Variants in HS3ST3B1 observed in about 807,000 individuals in gnomAD.
The protein encoded by HS3ST3B1 is heparan sulfate glucosamine 3-O-sulfotransferase 3B1.
HS3ST3B1 carries 13 observed loss-of-function variants against 21.3 expected under a neutral mutation model. The observed-to-expected ratio is 0.61, with a 90% CI of 0.40 to 0.97. The LOEUF (loss-of-function observed/expected upper bound fraction) is 0.97. HS3ST3B1 is among the 50% of genes least tolerant of loss of function. The pLI is 0.00. For synonymous variants in HS3ST3B1, 234 were observed against 254.8 expected, an observed-to-expected ratio of 0.92 and a Z score of 0.78; for missense variants, 459 against 554.8, an observed-to-expected ratio of 0.83 and a Z score of 1.73.
chr17:14,332,710 C>A (rs573762374), intron 1 of HS3ST3B1, among the ~76,000 whole-genome samples: 1 of 151,864 alleles, frequency 6.6e-6, no homozygotes, highest in East Asian at 1.9e-4. Flanking sequence ...AGCTAAGGAT[C>A]CAGCTCCAAG....
At chr17:14,340,484 A>G (rs1294673932) in intron 1 of HS3ST3B1, among the ~76,000 whole-genome samples, 1 of 152,040 alleles carries the variant, frequency 6.6e-6, no homozygotes, top group Non-Finnish European at 1.5e-5. Flanking sequence ...CTGTCTCCCC[A>G]TCACTGCAAG....
At chr17:14,320,824 G>A (rs1034655650) in intron 1 of HS3ST3B1, among the ~76,000 whole-genome samples, 1 of 152,140 alleles carries the variant, frequency 6.6e-6, no homozygotes, top group African/African-American at 2.4e-5. Context: ...AGCCCCATTG[G>A]CCGCTCAGTT....
At position 14,345,568 on chromosome 17, in the gene HS3ST3B1, G is replaced by A; in HGVS notation, c.1095G>A (p.Val365=). 2 of 1,565,598 alleles carry A rather than the reference G, an allele frequency of 1.3e-6. No homozygotes were observed. The highest frequency in any genetic ancestry group is 1.7e-6 in the Non-Finnish European group (2 of 1,160,558). The change falls in exon 2 of 2, where the codon GTG becomes GTA. Residue 365 remains valine (V), a synonymous_variant. Coordinates refer to ENST00000360954, the MANE Select transcript of HS3ST3B1 (RefSeq NM_006041.3). ...RTHPEIDREV[V]RRLREFYRPF... is the part of the protein sequence containing the mutation. ...ATCCTGAGATCGACCGCGAGGTGGT[G>A]CGCAGGCTGCGCGAGTTCTACCGGC...
At chr17:14,323,285 C>T (rs996212726) in intron 1 of HS3ST3B1, among the ~76,000 whole-genome samples, 1 of 152,172 alleles carries the variant, frequency 6.6e-6, no homozygotes, top group African/African-American at 2.4e-5. Flanking sequence ...CATAAAAGCT[C>T]CAGAGCTCTG....
At chr17:14,313,859 C>T (rs936240217) in intron 1 of HS3ST3B1, among the ~76,000 whole-genome samples, 6 of 152,148 alleles carry the variant, frequency 3.9e-5, no homozygotes, top group African/African-American at 9.7e-5. Flanking sequence ...CGTGAGCCAC[C>T]GCACCTGGCC....
rs1234511629 is a variant in HS3ST3B1 at position 14,348,076 on chromosome 17, CT to C, written c.*2431del. 1 of 152,198 alleles carries C rather than the reference CT, an allele frequency of 6.6e-6. No individual in the cohort carries two copies. The highest frequency in any genetic ancestry group is 2.1e-4 in the South Asian group (1 of 4,832). 9.4% of individuals were successfully genotyped at this position (152,198 alleles called of 1,614,324 possible). A position where few individuals can be genotyped will look rare whatever the true frequency, so the allele number is the denominator to read the frequency against. On this transcript the variant is annotated 3_prime_UTR_variant, in exon 2 of 2. Transcript: ENST00000360954. ...TTGCCCTGTCTACTTTCTGATCATTCTGATGGTCTGATGTGGCTGTTGATGT... is the reference window on the plus strand; with the variant it reads ...TTGCCCTGTCTACTTTCTGATCATTCGATGGTCTGATGTGGCTGTTGATGT...
At chr17:14,337,920 C>A (rs1910237798) in intron 1 of HS3ST3B1, among the ~76,000 whole-genome samples, 1 of 151,712 alleles carries the variant, frequency 6.6e-6, no homozygotes, top group Non-Finnish European at 1.5e-5. Flanking sequence ...TAGATTATGA[C>A]AAGTTCCAGG....
chr17:14,325,422 G>A (rs1339101322), intron 1 of HS3ST3B1, among the ~76,000 whole-genome samples: 1 of 152,178 alleles, frequency 6.6e-6, no homozygotes, highest in African/African-American at 2.4e-5. Context: ...ACAAATAGAT[G>A]AGAAACTGAC....
intron 1 of HS3ST3B1, among the ~76,000 whole-genome samples, chr17:14,313,695 C>A (rs937087446): frequency 7.2e-5 from 11 of 151,964 alleles, no homozygotes; most frequent in African/African-American, 2.7e-4. Flanking sequence ...CTCAGCCTCC[C>A]AAGTAGCTGT....
At chr17:14,333,481 C>A (rs1393375232) in intron 1 of HS3ST3B1, among the ~76,000 whole-genome samples, 7 of 148,536 alleles carry the variant, frequency 4.7e-5, no homozygotes, top group Admixed American at 3.4e-4. Context: ...AAAAAAACAA[C>A]AAAAAAAAAC....
At chr17:14,326,335 C>T (rs1909816862) in intron 1 of HS3ST3B1, among the ~76,000 whole-genome samples, 1 of 152,080 alleles carries the variant, frequency 6.6e-6, no homozygotes, top group African/African-American at 2.4e-5. Flanking sequence ...GTTTGCAGGT[C>T]ATTCTCAACA....
chr17:14,345,472 C>T lies in HS3ST3B1; in HGVS notation c.999C>T (p.Gly333=). 16 of 1,518,058 alleles carry T rather than the reference C, an allele frequency of 1.1e-5. No homozygotes were observed. The highest frequency in any genetic ancestry group is 1.5e-5 in the Non-Finnish European group (16 of 1,099,730). 94.0% of individuals were successfully genotyped at this position (1,518,058 alleles called of 1,614,324 possible). The stretch of plus-strand genomic sequence containing the variant: ...ACTTCTACTTCAACAAGACCAAGGG[C>T]TTCCCCTGCCTGAAGAAGGCGGAGG... The part of the protein sequence containing the change: ...DKHFYFNKTK[G]FPCLKKAEGS... Residue 333 remains glycine, a synonymous_variant, in exon 2 of 2, where the codon GGC becomes GGT. Transcript: ENST00000360954.
chr17:14,326,620 A>T (rs1464772762), intron 1 of HS3ST3B1, among the ~76,000 whole-genome samples: 1 of 151,880 alleles, frequency 6.6e-6, no homozygotes, highest in African/African-American at 2.4e-5. Flanking sequence ...CTTCACTTCC[A>T]CCTACTCTTG....
chr17:14,341,963 T>C (rs1454684073), intron 1 of HS3ST3B1, among the ~76,000 whole-genome samples: 1 of 152,202 alleles, frequency 6.6e-6, no homozygotes, highest in Admixed American at 6.5e-5. Flanking sequence ...ATGGACAAAG[T>C]GGGTCAATCC....
At chr17:14,328,183 A>C (rs1364118161) in intron 1 of HS3ST3B1, 2 of 152,224 alleles carry the variant, frequency 1.3e-5, no homozygotes, top group African/African-American at 4.8e-5. Context: ...AGAATGTAAC[A>C]AATAATCATG....
chr17:14,335,374 A>G (rs945372643), intron 1 of HS3ST3B1, among the ~76,000 whole-genome samples: 5 of 152,224 alleles, frequency 3.3e-5, no homozygotes, highest in Non-Finnish European at 5.9e-5. Context: ...CTTTAAAGAA[A>G]AAAAAGCAAC....
At chr17:14,309,770 T>G (rs1343798353) in intron 1 of HS3ST3B1, among the ~76,000 whole-genome samples, 1 of 152,226 alleles carries the variant, frequency 6.6e-6, no homozygotes, top group Non-Finnish European at 1.5e-5. Context: ...TCTCCGAATG[T>G]TCGGCTCCCG....
At chr17:14,302,692 C>G (rs994915043) in intron 1 of HS3ST3B1, among the ~76,000 whole-genome samples, 2 of 152,004 alleles carry the variant, frequency 1.3e-5, no homozygotes, top group Non-Finnish European at 2.9e-5. Context: ...GGCGCCTCCG[C>G]CTGGCGGGCG....
chr17:14,339,956 G>A (rs1234122776), intron 1 of HS3ST3B1, among the ~76,000 whole-genome samples: 1 of 152,166 alleles, frequency 6.6e-6, no homozygotes, highest in Non-Finnish European at 1.5e-5. Context: ...GGAAGAGGAA[G>A]GTGTGCCCAG....
Sources: gnomAD v4.1 joint callset for allele counts (sites outside exome capture counted in the v4.1 genomes callset) on GRCh38, gnomAD v4.1.1 for gene constraint, MANE v1.5 for transcripts, NCBI Gene and HGNC (gene_info 2026-07-23, HGNC 2026-07-21) for gene names.